Variants in DHX57 observed in about 807,000 individuals in gnomAD.
The protein encoded by DHX57 is putative ATP-dependent RNA helicase DHX57.
DHX57 carries 105 observed loss-of-function variants against 156.2 expected under a neutral mutation model. That is an observed-to-expected ratio of 0.67 (90% CI 0.57 to 0.79). The LOEUF is 0.79. Among genes scored for constraint, DHX57 ranks in the 30% least tolerant of loss-of-function variants. The pLI is 0.00. For missense variants in DHX57, 1,847 were observed against 1,661.9 expected, an observed-to-expected ratio of 1.11 and a Z score of -1.94; for synonymous variants, 704 against 595.6, an observed-to-expected ratio of 1.18 and a Z score of -2.65.
intron 23 of DHX57, among the ~76,000 whole-genome samples, chr2:38,798,686 C>G (rs982022331): frequency 6.6e-6 from 1 of 152,226 alleles, no homozygotes; most frequent in African/African-American, 2.4e-5. Context: ...TGGCTCACGC[C>G]TGTAATCCCA....
intron 16 of DHX57, among the ~76,000 whole-genome samples, chr2:38,825,183 A>G (rs1047205133): frequency 6.6e-6 from 1 of 152,238 alleles, no homozygotes; most frequent in Admixed American, 6.5e-5. Flanking sequence ...ACACAATTTT[A>G]CATTTTTATT....
At chr2:38,863,764 G>T (rs1301685863) in intron 2 of DHX57, among the ~76,000 whole-genome samples, 1 of 152,166 alleles carries the variant, frequency 6.6e-6, no homozygotes, top group African/African-American at 2.4e-5. Context: ...TGTAATCCTG[G>T]CACTTTGGGA....
chr2:38,816,086 G>C (rs1023582211), intron 19 of DHX57: 9 of 470,288 alleles, frequency 1.9e-5, no homozygotes, highest in Middle Eastern at 3.2e-4. Context: ...TGTCCTCTCA[G>C]TTCCTTACTC....
chr2:38,874,665 T>C (rs1443137477), intron 1 of DHX57, among the ~76,000 whole-genome samples: 1 of 152,130 alleles, frequency 6.6e-6, no homozygotes, highest in African/African-American at 2.4e-5. Flanking sequence ...CGCCTCGGCC[T>C]CCCACAGTGC....
intron 17 of DHX57, among the ~76,000 whole-genome samples, chr2:38,820,039 G>GA (rs1670733340): frequency 1.3e-5 from 2 of 152,286 alleles, no homozygotes; most frequent in Non-Finnish European, 2.9e-5. Context: ...AGCTGCAGTA[G>GA]TTTCTCATGG....
intron 13 of DHX57, among the ~76,000 whole-genome samples, chr2:38,831,098 A>G (rs1671356102): frequency 6.6e-6 from 1 of 151,948 alleles, no homozygotes. Context: ...TTATTTATTA[A>G]AAGATAAGCA....
At position 38,862,319 on chromosome 2, in the gene DHX57, C is replaced by G. The variant is rs1298522120; in HGVS notation, c.398G>C (p.Gly133Ala). The G allele has an allele frequency of 6.3e-7, 1 of 1,580,074 alleles. No individual in the cohort carries two copies. The highest frequency in any genetic ancestry group is 1.3e-5 in the African/African-American group (1 of 74,144). Reference protein sequence around the residue: ...ADAGSERGLSGEEEDDEPDCC... With the variant: ...ADAGSERGLSAEEEDDEPDCC... ...ATCAGGCTCATCATCTTCCTCCTCC[C>G]CAGAAAGGCCTCTTCTAGCAAAGGC... Residue 133 changes from glycine (G) to alanine (A), a missense_variant, in exon 4 of 24, where the codon GGG becomes GCG. Gly to Ala is a moderately conservative substitution (Grantham distance 60, BLOSUM62 0). Transcript: ENST00000457308.
At chr2:38,875,714 C>T in intron 1 of DHX57, 73 bp downstream of exon 1, 1 of 245,414 alleles carries the variant, frequency 4.1e-6, no homozygotes, top group Non-Finnish European at 7.8e-6. Flanking sequence ...GCGGCAGACA[C>T]ACTGACAAAC....
intron 17 of DHX57, among the ~76,000 whole-genome samples, chr2:38,822,625 C>T (rs905380625): frequency 6.6e-6 from 1 of 152,028 alleles, no homozygotes; most frequent in African/African-American, 2.4e-5. Context: ...GAACTCCTGA[C>T]CTCAAATGAT....
intron 7 of DHX57, among the ~76,000 whole-genome samples, chr2:38,855,787 ATTAAG>A (rs1289213160): frequency 6.6e-6 from 1 of 152,196 alleles, no homozygotes; most frequent in African/African-American, 2.4e-5. Context: ...ACGCACCATA[ATTAAG>A]TTGTTTTTAA....
rs192309784 is a variant in DHX57 at position 38,816,869 on chromosome 2, C to A, written c.3472-1214G>T. Among the ~76,000 whole-genome samples, 15 of 150,198 alleles carry A rather than the reference C, an allele frequency of 1.0e-4. No homozygotes were observed. In the East Asian group the frequency reaches 2.8e-3, roughly 28 times the overall value. On this transcript the variant is annotated intron_variant, in intron 19 of 23. Transcript: ENST00000457308. ...AAAGATGCAACTCTTGTTTGATGGA[C>A]CTCATAAGTCACAGCAAAATCTACA...
rs927969538 is a variant in DHX57 at position 38,868,331 on chromosome 2, T to G, written c.75A>C (p.Gly25=). The G allele has an allele frequency of 6.2e-7, 1 of 1,601,696 alleles. No individual in the cohort carries two copies. Among genetic ancestry groups the G allele is most frequent in the Non-Finnish European group, 8.5e-7 (1 of 1,172,388 alleles). ...GGKGSSRGGR[G]GRSHASKSHG... is the part of the protein sequence containing the mutation. ...GAGATTTACTGGCGTGACTCCTGCC[T>G]CCTCTTCCTCCTCTAGAAGACCCTT... is the stretch of plus-strand genomic sequence containing the variant. The change falls in exon 2 of 24, where the codon GGA becomes GGC. Residue 25 remains glycine, a synonymous_variant. Transcript: ENST00000457308.
chr2:38,826,959 C>T (rs1289300078), intron 14 of DHX57, among the ~76,000 whole-genome samples: 3 of 151,922 alleles, frequency 2.0e-5, no homozygotes, highest in Admixed American at 1.3e-4. Context: ...GGTGAAACCT[C>T]GTCTCTACTA....
chr2:38,850,389 C>G (rs1672521289), intron 9 of DHX57, among the ~76,000 whole-genome samples: 1 of 152,084 alleles, frequency 6.6e-6, no homozygotes, highest in South Asian at 2.1e-4. Context: ...AAGTGATCCT[C>G]CTGCCTCAGC....
At chr2:38,824,324 A>G (rs1236123628) in intron 16 of DHX57, among the ~76,000 whole-genome samples, 4 of 152,366 alleles carry the variant, frequency 2.6e-5, no homozygotes, top group Non-Finnish European at 5.9e-5. Flanking sequence ...TCACAGAAGC[A>G]GAGTGGAATG....
chr2:38,873,640 G>A lies in DHX57; in HGVS notation c.-7+2147C>T, dbSNP rs191741487. ...GAAGGTTGAAAAAATGACTTATGTG[G>A]GAATGGAGATTTGTTCATCTATTTA... On this transcript the variant is annotated intron_variant, in intron 1 of 23. Transcript: ENST00000457308. Among the ~76,000 whole-genome samples, 630 of 152,200 alleles carry A rather than the reference G, an allele frequency of 4.1e-3. 3 individuals carry two copies. The highest frequency in any genetic ancestry group is 7.1e-3 in the Non-Finnish European group (484 of 68,010).
At chr2:38,814,482 T>A (rs1207614671) in intron 20 of DHX57, among the ~76,000 whole-genome samples, 1 of 151,990 alleles carries the variant, frequency 6.6e-6, no homozygotes, top group Non-Finnish European at 1.5e-5. Context: ...GAGAAAAAAA[T>A]TATGGTTCAT....
At chr2:38,804,346 T>G (rs947011318) in intron 22 of DHX57, among the ~76,000 whole-genome samples, 1 of 151,896 alleles carries the variant, frequency 6.6e-6, no homozygotes, top group African/African-American at 2.4e-5. Context: ...AAAAATTAGC[T>G]GGGAGCGATG....
chr2:38,811,749 A>G, intron 21 of DHX57: 3 of 524,292 alleles, frequency 5.7e-6, no homozygotes, highest in Non-Finnish European at 1.1e-5. Context: ...GGCAGGCAAC[A>G]GAGCAGGGCC....
Sources: allele counts gnomAD v4.1 joint callset (sites outside exome capture counted in the v4.1 genomes callset), GRCh38; gene constraint gnomAD v4.1.1; transcripts MANE v1.5; gene names NCBI Gene and HGNC (gene_info 2026-07-23, HGNC 2026-07-21).